GRID1: variants seen among roughly 807,000 people sequenced by gnomAD.
GRID1 encodes glutamate ionotropic receptor delta type subunit 1.
In GRID1, 28 loss-of-function variants were observed where a neutral mutation model predicts 98.0. That is an observed-to-expected ratio of 0.29 (90% CI 0.21 to 0.39). The LOEUF (loss-of-function observed/expected upper bound fraction) is 0.39. Among genes scored for constraint, GRID1 ranks in the 10% least tolerant of loss-of-function variants. The probability of loss-of-function intolerance (pLI) is 1.00; values close to 1 mark genes in which losing one functional copy is unlikely to be tolerated. For missense variants in GRID1, 1,111 were observed against 1,340.5 expected (o/e 0.83, Z 2.67); for synonymous variants, 553 against 538.5 (o/e 1.03, Z -0.37).
intron 5 of GRID1, among the ~76,000 whole-genome samples, chr10:85,915,087 T>C (rs1219941855): frequency 1.3e-5 from 2 of 152,134 alleles, no homozygotes; most frequent in African/African-American, 4.8e-5. Flanking sequence ...TCCCTGGTGT[T>C]GCCATTCCTC....
At chr10:86,079,984 C>A (rs1292099207) in intron 4 of GRID1, among the ~76,000 whole-genome samples, 1 of 152,132 alleles carries the variant, frequency 6.6e-6, no homozygotes, top group African/African-American at 2.4e-5. Flanking sequence ...CAAAAGGGAA[C>A]CATGTCCCAA....
intron 2 of GRID1, among the ~76,000 whole-genome samples, chr10:86,316,412 A>G (rs1259543898): frequency 1.3e-5 from 2 of 152,212 alleles, no homozygotes; most frequent in African/African-American, 4.8e-5. Context: ...TGTTCTCCAG[A>G]GTCTCCAGAG....
chr10:85,943,398 GA>G (rs1261219178), intron 4 of GRID1, among the ~76,000 whole-genome samples: 1 of 151,890 alleles, frequency 6.6e-6, no homozygotes. Context: ...TACTGGGAGG[GA>G]AAAAAATACC....
At chr10:85,938,149 T>A (rs76427422) in intron 4 of GRID1, among the ~76,000 whole-genome samples, 4,588 of 152,288 alleles carry the variant, frequency 0.03, 92 homozygotes, top group Middle Eastern at 0.082. Flanking sequence ...CCCAAAGATC[T>A]TGCCAGGGGG....
At chr10:85,933,331 G>T (rs1480831816) in intron 4 of GRID1, among the ~76,000 whole-genome samples, 3 of 150,704 alleles carry the variant, frequency 2.0e-5, no homozygotes, top group Non-Finnish European at 2.9e-5. Flanking sequence ...AGATTCAGGG[G>T]TATATACACA....
intron 2 of GRID1, among the ~76,000 whole-genome samples, chr10:86,327,094 C>A (rs1024721369): frequency 6.6e-6 from 1 of 152,158 alleles, no homozygotes; most frequent in Admixed American, 6.5e-5. Context: ...CGAGATTGCA[C>A]CACTGCATTC....
intron 2 of GRID1, among the ~76,000 whole-genome samples, chr10:86,288,344 A>G (rs1284890774): frequency 1.3e-5 from 2 of 152,234 alleles, no homozygotes; most frequent in South Asian, 2.1e-4. Context: ...CTCCAGAGAC[A>G]ATAACGGCAC....
intron 4 of GRID1, among the ~76,000 whole-genome samples, chr10:85,994,700 G>A (rs764541313): frequency 6.6e-6 from 1 of 152,210 alleles, no homozygotes; most frequent in Non-Finnish European, 1.5e-5. Flanking sequence ...CCAGCTGGTC[G>A]CCTGGTAGTC....
chr10:85,653,611 A>G (rs530844032), intron 12 of GRID1, among the ~76,000 whole-genome samples: 33 of 152,288 alleles, frequency 2.2e-4, no homozygotes, highest in African/African-American at 7.2e-4. Flanking sequence ...TCATATTGAA[A>G]CTTAATACCC....
At chr10:86,269,175 C>T (rs1847148167) in intron 2 of GRID1, among the ~76,000 whole-genome samples, 1 of 152,176 alleles carries the variant, frequency 6.6e-6, no homozygotes, top group Admixed American at 6.5e-5. Context: ...ACAGACATCA[C>T]ATAAAAAGTG....
At chr10:86,129,608 T>C (rs1320007388) in intron 4 of GRID1, among the ~76,000 whole-genome samples, 1 of 152,180 alleles carries the variant, frequency 6.6e-6, no homozygotes, top group Admixed American at 6.5e-5. Context: ...CATCCCCCTC[T>C]TTACCATGTT....
intron 2 of GRID1, among the ~76,000 whole-genome samples, chr10:86,351,271 G>C (rs190028729): frequency 6.6e-6 from 1 of 152,368 alleles, no homozygotes; most frequent in East Asian, 1.9e-4. Context: ...GGTGTATGTG[G>C]ATAGAAAAAG....
intron 4 of GRID1, among the ~76,000 whole-genome samples, chr10:86,023,025 A>T (rs1431119309): frequency 1.3e-5 from 2 of 152,082 alleles, no homozygotes; most frequent in South Asian, 2.1e-4. Flanking sequence ...AGGATATTGT[A>T]ATCACTGCCT....
chr10:85,802,838 A>AACACACACACACAC (rs59101010), intron 8 of GRID1, among the ~76,000 whole-genome samples: 19 of 120,964 alleles, frequency 1.6e-4, no homozygotes, highest in African/African-American at 3.5e-4. Context: ...AAGCAGAATA[A>AACACACACACACAC]ACACACACAC....
At chr10:86,353,736 G>T (rs549999439) in intron 2 of GRID1, among the ~76,000 whole-genome samples, 27 of 152,334 alleles carry the variant, frequency 1.8e-4, no homozygotes, top group African/African-American at 4.3e-4. Flanking sequence ...CAGGACTTGG[G>T]GACGGCCCAC....
rs529239179 is a variant in GRID1, at chr10:85,776,114, A to G, written c.1234-46500T>C. On this transcript the variant is annotated intron_variant, in intron 8 of 15. Coordinates refer to ENST00000327946, the MANE Select transcript of GRID1 (RefSeq NM_017551.3). Reference sequence around the variant, plus strand: ...TGAAGAGACTTGGGTTTGTGTCCCAACCTAGGCACAACACCTCCACGTTCT... The same window carrying G: ...TGAAGAGACTTGGGTTTGTGTCCCAGCCTAGGCACAACACCTCCACGTTCT... Among the ~76,000 whole-genome samples, 254 of 152,220 alleles carry G rather than the reference A, an allele frequency of 1.7e-3. 1 individual carries two copies. The highest frequency in any genetic ancestry group is 6.0e-3 in the African/African-American group (250 of 41,524).
intron 8 of GRID1, among the ~76,000 whole-genome samples, chr10:85,761,989 T>C (rs1318475225): frequency 6.6e-6 from 1 of 152,236 alleles, no homozygotes; most frequent in East Asian, 1.9e-4. Context: ...TCCTCTCCAA[T>C]ATGTTGAAAA....
chr10:86,348,687 G>A (rs1039394200), intron 2 of GRID1, among the ~76,000 whole-genome samples: 9 of 152,358 alleles, frequency 5.9e-5, no homozygotes, highest in South Asian at 4.1e-4. Context: ...ACGTGACAGC[G>A]TCCCAGGGCA....
chr10:85,604,798 A>G (rs1239274960), intron 15 of GRID1, among the ~76,000 whole-genome samples: 1 of 152,212 alleles, frequency 6.6e-6, no homozygotes, highest in Non-Finnish European at 1.5e-5. Context: ...AGACTACTTT[A>G]GGAATATTTT....
Sources: allele counts gnomAD v4.1 joint callset (sites outside exome capture counted in the v4.1 genomes callset), GRCh38; gene constraint gnomAD v4.1.1; transcripts MANE v1.5; gene names NCBI Gene and HGNC (gene_info 2026-07-23, HGNC 2026-07-21).